The following PDCD11 variants were observed in gnomAD, a reference collection of about 807,000 sequenced individuals.
The protein encoded by PDCD11 is programmed cell death 11.
PDCD11 carries 97 observed loss-of-function variants against 198.9 expected under a neutral mutation model. That is an observed-to-expected ratio of 0.49 (90% CI 0.41 to 0.58). The LOEUF is 0.58. Ranked by LOEUF, PDCD11 falls within the 20% of genes least tolerant of loss-of-function variation. PDCD11 has a pLI of 0.00. For synonymous variants in PDCD11, 893 were observed against 918.0 expected (o/e 0.97, Z 0.49); for missense variants, 2,102 against 2,312.7 (o/e 0.91, Z 1.87).
At chr10:103,423,399 T>C (rs2031546916) in intron 18 of PDCD11, 144 bp from the exon 19 acceptor site, 7 of 679,110 alleles carry the variant, frequency 1.0e-5, no homozygotes, top group Non-Finnish European at 1.5e-5. Flanking sequence ...GACCCTTGAT[T>C]TCCCTAATTA....
At chr10:103,402,539 G>A (rs10883864) in intron 3 of PDCD11, among the ~76,000 whole-genome samples, 152,081 of 152,114 alleles carry the variant, frequency 1, 76,024 homozygotes, top group Non-Finnish European at 1. Context: ...CCCAGGTTCA[G>A]GTGATTCTCC....
chr10:103,430,818 A>T (rs2863731), intron 21 of PDCD11, among the ~76,000 whole-genome samples: 1 of 150,288 alleles, frequency 6.7e-6, no homozygotes, highest in African/African-American at 2.4e-5. Context: ...TTTTTTTTTA[A>T]ATGGAGTTTC....
intron 22 of PDCD11, among the ~76,000 whole-genome samples, chr10:103,433,607 T>C (rs910848797): frequency 2.6e-5 from 4 of 152,204 alleles, no homozygotes; most frequent in Non-Finnish European, 4.4e-5. Context: ...CTGGAGATGG[T>C]TAACAATCGC....
intron 13 of PDCD11, among the ~76,000 whole-genome samples, 155 bp from the exon 14 acceptor site, chr10:103,417,637 A>G (rs998722866): frequency 6.6e-6 from 1 of 152,226 alleles, no homozygotes; most frequent in East Asian, 1.9e-4. Flanking sequence ...GGGATTGTGT[A>G]GCTCTCAGTG....
At chr10:103,408,124 T>C (rs868846882) in intron 7 of PDCD11, among the ~76,000 whole-genome samples, 9 of 152,320 alleles carry the variant, frequency 5.9e-5, no homozygotes, top group Middle Eastern at 6.8e-3. Context: ...TACCTTCAAC[T>C]TATTTTCCAC....
At chr10:103,443,033 T>G in intron 32 of PDCD11, 132 bp from the exon 33 acceptor site, 2 of 682,252 alleles carry the variant, frequency 2.9e-6, no homozygotes, top group Non-Finnish European at 2.4e-6. Context: ...CCTCTTAGGG[T>G]CTACATTTGG....
chr10:103,423,689 G>T, intron 19 of PDCD11, 31 bp downstream of exon 19: 1 of 1,419,158 alleles, frequency 7.0e-7, no homozygotes, highest in East Asian at 2.3e-5. Context: ...CATTTCCATG[G>T]TTTCACATGA....
rs1293083835 is a variant in PDCD11 at position 103,406,685 on chromosome 10, G to A, written c.765G>A (p.Leu255=). 6.2e-7 allele frequency: 1 copy of A among 1,614,074 alleles called. No individual in the cohort carries two copies. The highest frequency in any genetic ancestry group is 8.5e-7 in the Non-Finnish European group (1 of 1,180,020). The part of the protein sequence containing the change: ...KVKGNGGVVS[L]SVGHSEVSTA... Reference sequence around the variant, plus strand: ...AAGGCAACGGAGGAGTTGTTAGTCTGTCTGTTGGTCACTCAGAGGTTTCTA... The same window carrying A: ...AAGGCAACGGAGGAGTTGTTAGTCTATCTGTTGGTCACTCAGAGGTTTCTA... The change falls in exon 7 of 36, where the codon CTG becomes CTA. Residue 255 remains leucine (L), a synonymous_variant. Transcript: ENST00000369797.
chr10:103,412,029 G>T (rs2030832515), intron 8 of PDCD11, among the ~76,000 whole-genome samples: 1 of 152,082 alleles, frequency 6.6e-6, no homozygotes, highest in Admixed American at 6.6e-5. Context: ...TTGAGACAGG[G>T]TCTCACTCTG....
chr10:103,426,785 CAA>C (rs767245487), intron 20 of PDCD11, among the ~76,000 whole-genome samples: 16 of 109,728 alleles, frequency 1.5e-4, no homozygotes, highest in African/African-American at 1.4e-4. Context: ...GACTCCGTTT[CAA>C]AAAAAAAAAA....
At chr10:103,406,831 A>T in intron 7 of PDCD11, 41 bp downstream of exon 7, 1 of 1,479,154 alleles carries the variant, frequency 6.8e-7, no homozygotes, top group Non-Finnish European at 9.2e-7. Flanking sequence ...AATAAAAATA[A>T]TTCTTTTCAA....
intron 13 of PDCD11, among the ~76,000 whole-genome samples, chr10:103,417,101 C>A (rs977538507): frequency 6.6e-6 from 1 of 152,116 alleles, no homozygotes; most frequent in Non-Finnish European, 1.5e-5. Context: ...TTTTTTTATT[C>A]CTTTAAACGA....
At chr10:103,431,040 T>TC (rs1434768071) in intron 21 of PDCD11, among the ~76,000 whole-genome samples, 2 of 152,090 alleles carry the variant, frequency 1.3e-5, no homozygotes, top group Admixed American at 6.5e-5. Flanking sequence ...CCTTAGGTGA[T>TC]CCACCCGCCT....
At chr10:103,408,278 C>T (rs1386870610) in intron 7 of PDCD11, among the ~76,000 whole-genome samples, 2 of 152,058 alleles carry the variant, frequency 1.3e-5, no homozygotes, top group Non-Finnish European at 2.9e-5. Context: ...TATCCTAGGA[C>T]TTCCCTTCTG....
At chr10:103,438,277 G>C (rs976779115) in intron 26 of PDCD11, among the ~76,000 whole-genome samples, 1 of 152,218 alleles carries the variant, frequency 6.6e-6, no homozygotes, top group Non-Finnish European at 1.5e-5. Flanking sequence ...TCCATGGAAA[G>C]GGTCAGATAT....
chr10:103,419,798 C>A, intron 16 of PDCD11, 90 bp downstream of exon 16: 1 of 1,212,350 alleles, frequency 8.2e-7, no homozygotes, highest in Non-Finnish European at 1.2e-6. Context: ...ATACTTTATT[C>A]CTTTTTTTTT....
chr10:103,415,247 A>G, intron 12 of PDCD11, 96 bp downstream of exon 12: 2 of 1,262,426 alleles, frequency 1.6e-6, no homozygotes, highest in South Asian at 1.3e-5. Context: ...GTGAGTGTGT[A>G]ATGTCTGTAG....
chr10:103,438,601 C>A, intron 26 of PDCD11, 85 bp from the exon 27 acceptor site: 1 of 1,540,302 alleles, frequency 6.5e-7, no homozygotes, highest in South Asian at 1.2e-5. Flanking sequence ...TTCTTATTTA[C>A]TAAGTATGAT....
chr10:103,442,168 C>T, intron 31 of PDCD11, 45 bp from the exon 32 acceptor site: 2 of 1,607,358 alleles, frequency 1.2e-6, no homozygotes, highest in Middle Eastern at 1.7e-4. Context: ...CTCCCCTAGG[C>T]CTTGAGGAGC....
Sources: allele counts gnomAD v4.1 joint callset (sites outside exome capture counted in the v4.1 genomes callset), GRCh38; gene constraint gnomAD v4.1.1; transcripts MANE v1.5; gene names NCBI Gene and HGNC (gene_info 2026-07-23, HGNC 2026-07-21).